Variants in DCAF6 observed in about 807,000 individuals in gnomAD.
DCAF6 encodes the protein DDB1 and CUL4 associated factor 6.
DCAF6 carries 54 observed loss-of-function variants against 125.1 expected under a neutral mutation model. That is an observed-to-expected ratio of 0.43 (90% CI 0.35 to 0.54). DCAF6 has a LOEUF of 0.54. Among genes scored for constraint, DCAF6 ranks in the 20% least tolerant of loss-of-function variants. The probability of loss-of-function intolerance (pLI) is 0.01; values close to 1 mark genes in which losing one functional copy is unlikely to be tolerated. For synonymous variants in DCAF6, 371 were observed against 390.4 expected (o/e 0.95, Z 0.58); for missense variants, 934 against 1,161.7 (o/e 0.80, Z 2.85).
chr1:168,071,492 G>A (rs1693022208), intron 21 of DCAF6, among the ~76,000 whole-genome samples: 2 of 152,114 alleles, frequency 1.3e-5, no homozygotes, highest in South Asian at 4.2e-4. Context: ...AAATTAGCTG[G>A]ACGTGATGGT....
intron 18 of DCAF6, among the ~76,000 whole-genome samples, chr1:168,064,420 T>G (rs1231340966): frequency 2.0e-5 from 3 of 152,178 alleles, no homozygotes; most frequent in African/African-American, 7.2e-5. Flanking sequence ...ATACATTGCA[T>G]CATCAGAAGG....
chr1:167,949,038 C>T (rs989247280), intron 1 of DCAF6, among the ~76,000 whole-genome samples: 17 of 152,178 alleles, frequency 1.1e-4, no homozygotes, highest in African/African-American at 4.1e-4. Flanking sequence ...ATTCAGCAAA[C>T]GTATATTGAA....
chr1:168,044,735 T>C, intron 15 of DCAF6, 64 bp downstream of exon 15: 2 of 1,467,938 alleles, frequency 1.4e-6, no homozygotes, highest in Non-Finnish European at 1.9e-6. Flanking sequence ...TCTATGTTAA[T>C]CTCTCTATAG....
chr1:167,892,128 A>G, the DCAF6 span, among the ~76,000 whole-genome samples: 1 of 151,900 alleles, frequency 6.6e-6, no homozygotes, highest in Non-Finnish European at 1.5e-5. Flanking sequence ...ACGTGCCACC[A>G]CACCCAACTA....
the DCAF6 span, among the ~76,000 whole-genome samples, chr1:167,870,663 GCCAGACTTGGTGGCGGGTGCCTGTAGT>G: frequency 7.2e-6 from 1 of 139,586 alleles, no homozygotes; most frequent in Non-Finnish European, 1.6e-5. Context: ...AAAAAAATTA[GCCAGACTTGGTGGCGGGTGCCTGTAGT>G]CCCAGCTACT....
the DCAF6 span, among the ~76,000 whole-genome samples, chr1:167,886,019 T>A: frequency 6.6e-6 from 1 of 152,162 alleles, no homozygotes; most frequent in African/African-American, 2.4e-5. Context: ...CAAGGAGAAC[T>A]ACAAACCACT....
the DCAF6 span, chr1:167,875,309 G>T: frequency 1.0e-6 from 1 of 991,724 alleles, no homozygotes. Context: ...TCTATCCCCT[G>T]ACTCACGGGT....
At chr1:168,017,618 GA>G (rs1235831677) in intron 11 of DCAF6, among the ~76,000 whole-genome samples, 7 of 152,154 alleles carry the variant, frequency 4.6e-5, no homozygotes, top group African/African-American at 1.7e-4. Context: ...GGCAACAGTA[GA>G]AATTAAATTT....
the DCAF6 span, among the ~76,000 whole-genome samples, chr1:167,900,714 T>C: frequency 3.9e-5 from 6 of 152,172 alleles, no homozygotes; most frequent in African/African-American, 1.4e-4. Context: ...TGTATTTTAG[T>C]AGAGACGGGG....
the DCAF6 span, chr1:167,913,905 C>G: frequency 6.6e-6 from 1 of 152,386 alleles, no homozygotes; most frequent in South Asian, 2.1e-4. Flanking sequence ...TAGCTGTCTT[C>G]TTTCCTGACG....
chr1:167,948,118 A>G (rs1236598377), intron 1 of DCAF6, among the ~76,000 whole-genome samples: 1 of 148,420 alleles, frequency 6.7e-6, no homozygotes, highest in African/African-American at 2.5e-5. Context: ...AATATTATAT[A>G]ACGACTTTCT....
At chr1:167,881,377 T>C in the DCAF6 span, among the ~76,000 whole-genome samples, 1 of 152,206 alleles carries the variant, frequency 6.6e-6, no homozygotes, top group Non-Finnish European at 1.5e-5. Flanking sequence ...TACATCCTGA[T>C]AAAATGCAAA....
chr1:167,994,030 TATA>T lies in DCAF6; in HGVS notation c.903+593_903+595del, dbSNP rs201450110. On this transcript the variant is annotated intron_variant, in intron 7 of 21. Coordinates refer to ENST00000367840, the MANE Select transcript of DCAF6 (RefSeq NM_001198956.2). ...TAATTAGTTACTAATAATTTGTAAT[TATA>T]ATTAGTAATGACAAAAATAGTATTT... Among the ~76,000 whole-genome samples, 427 of 151,892 alleles carry T rather than the reference TATA, an allele frequency of 2.8e-3. 2 individuals are homozygous for T. Among genetic ancestry groups the T allele is most frequent in the African/African-American group, 9.8e-3 (408 of 41,440 alleles).
At chr1:167,977,328 T>C (rs1353180628) in intron 4 of DCAF6, among the ~76,000 whole-genome samples, 5 of 151,948 alleles carry the variant, frequency 3.3e-5, no homozygotes, top group African/African-American at 1.2e-4. Flanking sequence ...AATGTCTTTT[T>C]TTTTTAAATG....
At chr1:167,982,344 C>T (rs901556466) in intron 4 of DCAF6, among the ~76,000 whole-genome samples, 2 of 152,054 alleles carry the variant, frequency 1.3e-5, no homozygotes, top group African/African-American at 2.4e-5. Context: ...TGCTTTCAAG[C>T]GATTCTCCTG....
chr1:167,896,682 A>C, the DCAF6 span: 2 of 1,607,598 alleles, frequency 1.2e-6, no homozygotes, highest in Non-Finnish European at 1.7e-6. Flanking sequence ...GGTGGTTTTA[A>C]GAAGTTAACC....
In DCAF6 at chr1:167,959,374, G is replaced by C. The variant is rs1010311817; in HGVS notation, c.160-7255G>C. On this transcript the variant is annotated intron_variant, in intron 2 of 21. Transcript: ENST00000367840. Reference sequence around the variant, plus strand: ...GGTGTTGGTGTGCACATACGTTTACGTTCGTGTGCAGGTGTATGTGTGGAC... The same window carrying C: ...GGTGTTGGTGTGCACATACGTTTACCTTCGTGTGCAGGTGTATGTGTGGAC... Among the ~76,000 whole-genome samples the C allele has an allele frequency of 1.5e-4, 23 of 152,296 alleles. No individual in the cohort carries two copies. The South Asian group carries it at 1.7e-3, about 11-fold the overall frequency.
At position 168,056,347 on chromosome 1, in the gene DCAF6, A is replaced by G. The variant is rs1690801719; in HGVS notation, c.2300+5414A>G. The G allele has an allele frequency of 7.6e-6, 12 of 1,583,614 alleles. No homozygotes were observed. In the African/African-American group the frequency reaches 1.1e-4, roughly 15 times the overall value. ...CCCAGCTGCCAGGGCCTCGGCGGGC[A>G]GGGCGCGGCGGGTGACGGGACCGCG... On this transcript the variant is annotated intron_variant, in intron 17 of 21. Transcript: ENST00000367840.
At chr1:168,028,458 C>G (rs115320696) in intron 12 of DCAF6, among the ~76,000 whole-genome samples, 1,703 of 152,186 alleles carry the variant, frequency 0.011, 28 homozygotes, top group African/African-American at 0.037. Flanking sequence ...ACAGTGCCAT[C>G]GAGTTTGAAA....
Sources: allele counts gnomAD v4.1 joint callset (sites outside exome capture counted in the v4.1 genomes callset), GRCh38; gene constraint gnomAD v4.1.1; transcripts MANE v1.5; gene names NCBI Gene and HGNC (gene_info 2026-07-23, HGNC 2026-07-21).